Variants in TESK2 observed in about 807,000 individuals in gnomAD.
The protein encoded by TESK2 is dual specificity testis-specific protein kinase 2.
Under a neutral mutation model 57.1 loss-of-function variants are expected in TESK2, and 39 were observed. That is an observed-to-expected ratio of 0.68 (90% CI 0.53 to 0.89). The LOEUF is 0.89. TESK2 is among the 40% of genes least tolerant of loss of function. The pLI is 0.00. For missense variants in TESK2, 646 were observed against 732.1 expected (o/e 0.88, Z 1.36); for synonymous variants, 249 against 267.9 (o/e 0.93, Z 0.69).
chr1:45,489,204 C>A (rs909119565), intron 1 of TESK2, among the ~76,000 whole-genome samples: 1 of 151,926 alleles, frequency 6.6e-6, no homozygotes, highest in African/African-American at 2.4e-5. Context: ...TGATAGTCAC[C>A]GCCCCCCACT....
chr1:45,387,505 ACAAG>A (rs1436817037), intron 3 of TESK2, among the ~76,000 whole-genome samples: 1 of 152,026 alleles, frequency 6.6e-6, no homozygotes, highest in African/African-American at 2.4e-5. Flanking sequence ...GAGACTGACT[ACAAG>A]CAGAGTGTAA....
chr1:45,458,659 ATT>A (rs1470997392), intron 1 of TESK2, among the ~76,000 whole-genome samples: 1 of 152,012 alleles, frequency 6.6e-6, no homozygotes, highest in Non-Finnish European at 1.5e-5. Flanking sequence ...CTCATATAAT[ATT>A]TTATTTCAAA....
chr1:45,485,708 A>C (rs12082256), intron 1 of TESK2, among the ~76,000 whole-genome samples: 1 of 150,692 alleles, frequency 6.6e-6, no homozygotes, highest in African/African-American at 2.4e-5. Flanking sequence ...TTAGTAGAGA[A>C]GGGGGTTTCA....
chr1:45,373,188 AATAGAGACT>A (rs1285059841), intron 4 of TESK2, among the ~76,000 whole-genome samples: 2 of 152,206 alleles, frequency 1.3e-5, no homozygotes, highest in African/African-American at 4.8e-5. Context: ...TCCAGCTGGC[AATAGAGACT>A]ATAGATTTAA....
chr1:45,421,341 T>C (rs1293852923), intron 3 of TESK2, among the ~76,000 whole-genome samples: 1 of 152,210 alleles, frequency 6.6e-6, no homozygotes, highest in East Asian at 1.9e-4. Context: ...GGTGTAATTT[T>C]ACATTTATTG....
chr1:45,361,271 C>T (rs939104515), intron 4 of TESK2, among the ~76,000 whole-genome samples: 2 of 152,324 alleles, frequency 1.3e-5, no homozygotes, highest in Admixed American at 6.5e-5. Flanking sequence ...TCAGCTTTCC[C>T]GGATGGGGAT....
rs1650487457 is a variant in TESK2 at position 45,421,745 on chromosome 1, G to C, written c.324C>G (p.Leu108=). 1 of 1,613,960 alleles carries C rather than the reference G, an allele frequency of 6.2e-7. No homozygotes were observed. Among genetic ancestry groups the C allele is most frequent in the African/African-American group, 1.3e-5 (1 of 74,910 alleles). ...ATTACCTAAGGATGTTGGGATGGGA[G>C]AGTCTATTCATGAGCTGTACTTCTT... ...MLKEVQLMNR[L]SHPNILRFMG... The change falls in exon 3 of 11, where the codon CTC becomes CTG. Residue 108 remains leucine (L), a synonymous_variant. Coordinates refer to ENST00000372086, the MANE Select transcript of TESK2 (RefSeq NM_007170.3).
intron 1 of TESK2, among the ~76,000 whole-genome samples, chr1:45,468,061 A>G (rs562540272): frequency 1.3e-5 from 2 of 152,034 alleles, no homozygotes; most frequent in African/African-American, 4.8e-5. Flanking sequence ...CTGTAGTCCT[A>G]GCTACTCAGG....
intron 2 of TESK2, among the ~76,000 whole-genome samples, chr1:45,445,859 C>T (rs971410602): frequency 6.6e-6 from 1 of 152,122 alleles, no homozygotes; most frequent in African/African-American, 2.4e-5. Context: ...TTATGATCTA[C>T]ACTCTAAGAG....
intron 2 of TESK2, among the ~76,000 whole-genome samples, chr1:45,437,771 T>A (rs183270175): frequency 6.6e-6 from 1 of 152,342 alleles, no homozygotes; most frequent in East Asian, 1.9e-4. Flanking sequence ...TTGAATTTTA[T>A]AAAATACTTT....
intron 3 of TESK2, among the ~76,000 whole-genome samples, chr1:45,403,233 G>GAAA (rs11424640): frequency 1.6e-5 from 2 of 128,138 alleles, no homozygotes; most frequent in African/African-American, 2.9e-5. Flanking sequence ...GCCGTGATGG[G>GAAA]AAAAAAAAAA....
At chr1:45,423,811 T>C (rs1478680207) in intron 2 of TESK2, among the ~76,000 whole-genome samples, 6 of 152,194 alleles carry the variant, frequency 3.9e-5, no homozygotes, top group Admixed American at 2.0e-4. Context: ...GTAAATATTA[T>C]TTATCATTTC....
At chr1:45,395,147 T>A (rs1479402152) in intron 3 of TESK2, among the ~76,000 whole-genome samples, 1 of 152,232 alleles carries the variant, frequency 6.6e-6, no homozygotes, top group East Asian at 1.9e-4. Flanking sequence ...CTACCTAAAA[T>A]GCCCCTCTCT....
intron 1 of TESK2, among the ~76,000 whole-genome samples, chr1:45,458,922 G>A (rs1052127297): frequency 3.3e-5 from 5 of 152,098 alleles, no homozygotes; most frequent in African/African-American, 9.7e-5. Context: ...AGACTCAATT[G>A]TAAGGGTTCT....
chr1:45,440,676 A>G (rs892181232), intron 2 of TESK2, among the ~76,000 whole-genome samples: 1 of 151,874 alleles, frequency 6.6e-6, no homozygotes, highest in African/African-American at 2.4e-5. Flanking sequence ...AGATCGCACT[A>G]CTGTACTCCA....
chr1:45,347,292 G>A (rs189061431), intron 7 of TESK2, among the ~76,000 whole-genome samples: 29 of 152,268 alleles, frequency 1.9e-4, no homozygotes, highest in African/African-American at 6.0e-4. Flanking sequence ...TCAGCCGAGC[G>A]CGATGGCTCA....
intron 1 of TESK2, among the ~76,000 whole-genome samples, chr1:45,480,471 A>AAG (rs1653173173): frequency 6.6e-6 from 1 of 151,470 alleles, no homozygotes; most frequent in African/African-American, 2.4e-5. Flanking sequence ...AAAAAAAAAA[A>AAG]AAAGAAATCT....
chr1:45,391,980 G>C (rs767684939), intron 3 of TESK2, among the ~76,000 whole-genome samples: 1 of 152,178 alleles, frequency 6.6e-6, no homozygotes, highest in Non-Finnish European at 1.5e-5. Flanking sequence ...GATGAAATAA[G>C]ATAACTTGGG....
chr1:45,393,939 T>C (rs377318228), intron 3 of TESK2, among the ~76,000 whole-genome samples: 3 of 152,174 alleles, frequency 2.0e-5, no homozygotes, highest in African/African-American at 4.8e-5. Flanking sequence ...CCTCAAATCA[T>C]TGTCATGTCA....
Sources: allele counts gnomAD v4.1 joint callset (sites outside exome capture counted in the v4.1 genomes callset), GRCh38; gene constraint gnomAD v4.1.1; transcripts MANE v1.5; gene names NCBI Gene and HGNC (gene_info 2026-07-23, HGNC 2026-07-21).